Variants in DPP6 observed in about 807,000 individuals in gnomAD.
DPP6 encodes the protein A-type potassium channel modulatory protein DPP6.
DPP6 carries 69 observed loss-of-function variants against 122.6 expected under a neutral mutation model. The observed-to-expected ratio is 0.56, with a 90% CI of 0.46 to 0.69. The LOEUF is 0.69. Among genes scored for constraint, DPP6 ranks in the 30% least tolerant of loss-of-function variants. The pLI is 0.00. For synonymous variants in DPP6, 418 were observed against 433.1 expected, an observed-to-expected ratio of 0.97 and a Z score of 0.43; for missense variants, 928 against 1,116.9, an observed-to-expected ratio of 0.83 and a Z score of 2.41.
chr7:154,376,662 TG>T (rs1813154826), intron 1 of DPP6, among the ~76,000 whole-genome samples: 1 of 152,214 alleles, frequency 6.6e-6, no homozygotes, highest in African/African-American at 2.4e-5. Flanking sequence ...TGACTTGCAA[TG>T]GTAGTTTCAG....
At chr7:154,042,207 A>G (rs998932340) in intron 1 of DPP6, among the ~76,000 whole-genome samples, 17 of 152,084 alleles carry the variant, frequency 1.1e-4, no homozygotes, top group African/African-American at 1.9e-4. Flanking sequence ...AGAGAAAAAT[A>G]ATCTTTGCCA....
intron 22 of DPP6, among the ~76,000 whole-genome samples, chr7:154,885,992 G>A (rs1018851573): frequency 6.6e-6 from 1 of 152,216 alleles, no homozygotes; most frequent in Admixed American, 6.5e-5. Context: ...TGAAGACCAC[G>A]AGTTGGAAAC....
At chr7:154,711,909 G>C (rs1292454949) in intron 7 of DPP6, among the ~76,000 whole-genome samples, 16 of 150,678 alleles carry the variant, frequency 1.1e-4, no homozygotes, top group Non-Finnish European at 1.5e-5. Context: ...ATTGGTTTAA[G>C]AAATATTAAG....
intron 1 of DPP6, among the ~76,000 whole-genome samples, chr7:154,165,699 C>G (rs536659070): frequency 4.6e-5 from 7 of 152,136 alleles, no homozygotes; most frequent in Admixed American, 1.3e-4. Flanking sequence ...GACTGCCATT[C>G]TAACTGATGT....
chr7:154,436,290 C>T (rs1818857553), intron 1 of DPP6, among the ~76,000 whole-genome samples: 1 of 151,536 alleles, frequency 6.6e-6, no homozygotes, highest in Non-Finnish European at 1.5e-5. Context: ...TACAACCGCT[C>T]CATTGCATGG....
intron 5 of DPP6, among the ~76,000 whole-genome samples, chr7:154,575,442 G>GTGTGTGTATGTGTGGTA (rs1691692923): frequency 2.9e-5 from 3 of 104,710 alleles, no homozygotes; most frequent in African/African-American, 1.3e-4. Context: ...TATGTGTGTG[G>GTGTGTGTATGTGTGGTA]TGTGTGTATG....
chr7:153,794,831 C>A, the DPP6 span, among the ~76,000 whole-genome samples: 20 of 152,114 alleles, frequency 1.3e-4, no homozygotes, highest in Non-Finnish European at 1.5e-5. Flanking sequence ...GTGAATAAGT[C>A]TTGTGAGATC....
At chr7:153,789,531 G>T in the DPP6 span, among the ~76,000 whole-genome samples, 2 of 152,144 alleles carry the variant, frequency 1.3e-5, no homozygotes, top group African/African-American at 4.8e-5. Flanking sequence ...ACAATCAGAA[G>T]CTATTCTTAA....
the DPP6 span, among the ~76,000 whole-genome samples, chr7:153,772,271 A>G: frequency 6.6e-6 from 1 of 152,268 alleles, no homozygotes; most frequent in African/African-American, 2.4e-5. Context: ...TTTAGTACAG[A>G]TGGTGTTTCA....
chr7:153,976,516 C>T (rs959520196), intron 1 of DPP6, among the ~76,000 whole-genome samples: 1 of 152,100 alleles, frequency 6.6e-6, no homozygotes, highest in Non-Finnish European at 1.5e-5. Context: ...TGCACTCGTA[C>T]GTTTAAACAC....
chr7:154,666,468 T>A (rs1041840898), intron 6 of DPP6, among the ~76,000 whole-genome samples: 1 of 152,072 alleles, frequency 6.6e-6, no homozygotes, highest in African/African-American at 2.4e-5. Flanking sequence ...AATTAACATC[T>A]CTATCACCTC....
chr7:154,077,065 A>G (rs1803609527), intron 1 of DPP6, among the ~76,000 whole-genome samples: 1 of 152,260 alleles, frequency 6.6e-6, no homozygotes, highest in Non-Finnish European at 1.5e-5. Flanking sequence ...TTTTAAAACA[A>G]TACTTTTGAT....
Position 154,290,433 on chromosome 7 carries a change from G to A in DPP6, c.244-155781G>A, listed in dbSNP as rs75271763. ...TTTGCAGAGTCGATTTTTTCCCTTC[G>A]TGGATGGGCTCCTTGGCAATCTGAG... On this transcript the variant is annotated intron_variant, in intron 1 of 25. Transcript: ENST00000377770. Among the ~76,000 whole-genome samples, 747 of 151,660 alleles carry A rather than the reference G, an allele frequency of 4.9e-3. 9 individuals are homozygous for A. The highest frequency in any genetic ancestry group is 0.043 in the East Asian group (221 of 5,132).
chr7:154,123,793 T>C (rs1274250917), intron 1 of DPP6, among the ~76,000 whole-genome samples: 4 of 115,502 alleles, frequency 3.5e-5, no homozygotes, highest in Admixed American at 8.4e-5. Context: ...GGGACAAATG[T>C]GCCGCTCGCT....
intron 1 of DPP6, among the ~76,000 whole-genome samples, chr7:154,153,202 T>G (rs1422972454): frequency 6.6e-6 from 1 of 152,198 alleles, no homozygotes; most frequent in Non-Finnish European, 1.5e-5. Flanking sequence ...TACTTTATTT[T>G]ATTTTAAGAT....
chr7:154,852,462 C>G (rs1266143486), intron 16 of DPP6, among the ~76,000 whole-genome samples: 2 of 151,838 alleles, frequency 1.3e-5, no homozygotes, highest in Admixed American at 6.6e-5. Context: ...GCCAAAGGGA[C>G]AGGCTCTCCT....
chr7:154,872,358 G>A (rs1453414687), intron 18 of DPP6, among the ~76,000 whole-genome samples: 1 of 152,248 alleles, frequency 6.6e-6, no homozygotes, highest in Non-Finnish European at 1.5e-5. Flanking sequence ...GGGCCATCGA[G>A]TCTTCCGTGC....
intron 17 of DPP6, among the ~76,000 whole-genome samples, chr7:154,865,747 C>T (rs923757471): frequency 3.9e-5 from 6 of 152,188 alleles, no homozygotes; most frequent in African/African-American, 1.4e-4. Context: ...ACCTTTGCAG[C>T]TTCCTGAGAC....
At chr7:154,684,151 GAGCC>G (rs1305315380) in intron 7 of DPP6, among the ~76,000 whole-genome samples, 2 of 152,164 alleles carry the variant, frequency 1.3e-5, no homozygotes, top group African/African-American at 2.4e-5. Flanking sequence ...TTACAGGCAT[GAGCC>G]ACTGTGCCCA....
Sources: allele counts gnomAD v4.1 joint callset (sites outside exome capture counted in the v4.1 genomes callset), GRCh38; gene constraint gnomAD v4.1.1; transcripts MANE v1.5; gene names NCBI Gene and HGNC (gene_info 2026-07-23, HGNC 2026-07-21).